Variants in RBFOX3 observed in about 807,000 individuals in gnomAD.
RBFOX3 encodes the protein RNA binding fox-1 homolog 3, also known as RNA binding protein fox-1 homolog 3.
Under a neutral mutation model 48.7 loss-of-function variants are expected in RBFOX3, and 17 were observed. The observed-to-expected ratio is 0.35, with a 90% confidence interval of 0.24 to 0.52. The LOEUF (loss-of-function observed/expected upper bound fraction) is 0.52, where lower values mean the gene tolerates loss of function less well. Ranked by LOEUF, RBFOX3 falls within the 20% of genes least tolerant of loss-of-function variation. The pLI, the probability that RBFOX3 is intolerant of heterozygous loss-of-function variation, is 0.94. For missense variants in RBFOX3, 382 were observed against 497.5 expected (o/e 0.77, Z 2.21); for synonymous variants, 212 against 209.5 (o/e 1.01, Z -0.10).
Position 79,463,533 on chromosome 17 carries a change from CCACCTCCACCACCATCACCACTGA to C in RBFOX3, c.-175+18897_-175+18920del, listed in dbSNP as rs2075819352. On this transcript the variant is annotated intron_variant, in intron 2 of 14. Transcript: ENST00000693108. Reference sequence around the variant, plus strand: ...ACTGCCACCTCCACCATCGCCACTGCCACCTCCACCACCATCACCACTGACACCTCCACCACCATCGCCACTGCC... The same window carrying C: ...ACTGCCACCTCCACCATCGCCACTGCCACCTCCACCACCATCGCCACTGCC... 4.1e-5 allele frequency among the ~76,000 whole-genome samples: 6 copies of C among 144,588 alleles called. No individual in the cohort carries two copies. In the South Asian group the frequency reaches 1.2e-3, roughly 28 times the overall value. The allele number at this position is 144,588 out of a possible 152,430, so 94.9% of individuals were successfully genotyped here.
chr17:79,256,763 C>T (rs2064921314), intron 3 of RBFOX3, among the ~76,000 whole-genome samples: 1 of 151,904 alleles, frequency 6.6e-6, no homozygotes. Context: ...ACTAAAAATT[C>T]AAAAATTAGC....
chr17:79,477,043 G>A lies in RBFOX3; in HGVS notation c.-175+5411C>T, dbSNP rs1481438813. Among the ~76,000 whole-genome samples the A allele has an allele frequency of 2.6e-5, 4 of 151,776 alleles. No homozygotes were observed. Among genetic ancestry groups the A allele is most frequent in the South Asian group, 2.1e-4 (1 of 4,790 alleles). On this transcript the variant is annotated intron_variant, in intron 2 of 14. Coordinates refer to ENST00000693108, the MANE Select transcript of RBFOX3 (RefSeq NM_001350451.2). The surrounding 1 kb of genome is among the most constrained non-coding windows in gnomAD (Gnocchi z 4.8). ...AGGTCAGGAGTTCGAGACCAGCCTG[G>A]CCAACAGGGTGAAACCCCGTCTCTA...
chr17:79,161,918 G>A lies in RBFOX3; in HGVS notation c.-33-46170C>T, dbSNP rs369961752. 2.5e-4 allele frequency among the ~76,000 whole-genome samples: 38 copies of A among 152,274 alleles called. No homozygotes were observed. The East Asian group carries it at 5.8e-3, about 23-fold the overall frequency. On this transcript the variant is annotated intron_variant, in intron 4 of 14. Transcript: ENST00000693108. ...ACACCCACACTCTGTGGGGACCAGG[G>A]CCTCCTGCCACAATCAACCCACAAC... is the stretch of plus-strand genomic sequence containing the variant.
At chr17:79,521,208 T>A (rs2086019308) in intron 1 of RBFOX3, among the ~76,000 whole-genome samples, 1 of 149,130 alleles carries the variant, frequency 6.7e-6, no homozygotes, top group South Asian at 2.1e-4. Flanking sequence ...AGATACACAC[T>A]CACGCTCAGA....
chr17:79,359,621 A>G (rs926405390), intron 2 of RBFOX3, among the ~76,000 whole-genome samples: 75 of 151,808 alleles, frequency 4.9e-4, no homozygotes, highest in Admixed American at 4.9e-3. Context: ...CCACCTCTCC[A>G]CCCCGACTAA....
At position 79,249,877 on chromosome 17, in the gene RBFOX3, A is replaced by G. The variant is rs2063686943; in HGVS notation, c.-73-14072T>C. Among the ~76,000 whole-genome samples, 1 of 151,652 alleles carries G rather than the reference A, an allele frequency of 6.6e-6. No homozygotes were observed. The highest frequency in any genetic ancestry group is 1.5e-5 in the Non-Finnish European group (1 of 67,942). On this transcript the variant is annotated intron_variant, in intron 3 of 14. Transcript: ENST00000693108. The surrounding 1 kb of genome is among the most constrained non-coding windows in gnomAD (Gnocchi z 4.1). ...ATTTCTGTATCTGTGTGTCTTTTTTACCCCATTAAAACAAATTCCAGGTAT... is the reference window on the plus strand; with the variant it reads ...ATTTCTGTATCTGTGTGTCTTTTTTGCCCCATTAAAACAAATTCCAGGTAT...
chr17:79,156,327 T>C (rs1364120969), intron 4 of RBFOX3, among the ~76,000 whole-genome samples: 1 of 152,130 alleles, frequency 6.6e-6, no homozygotes. Flanking sequence ...GCACCAACCA[T>C]GGCTTCTCTG....
chr17:79,280,477 G>A (rs1348441587), intron 3 of RBFOX3, among the ~76,000 whole-genome samples: 1 of 152,164 alleles, frequency 6.6e-6, no homozygotes, highest in Non-Finnish European at 1.5e-5. Flanking sequence ...GCCTTCCTGC[G>A]AGGCCTCCCA....
intron 4 of RBFOX3, among the ~76,000 whole-genome samples, chr17:79,167,204 G>A (rs1365150491): frequency 6.6e-6 from 1 of 152,230 alleles, no homozygotes; most frequent in East Asian, 1.9e-4. Context: ...ACAGTGCCAG[G>A]CACATGGCCA....
intron 2 of RBFOX3, among the ~76,000 whole-genome samples, chr17:79,464,972 G>C (rs532868814): frequency 1.3e-5 from 2 of 152,374 alleles, no homozygotes; most frequent in South Asian, 4.1e-4. Flanking sequence ...GAACCACGAG[G>C]TGGCCCCAGC....
intron 4 of RBFOX3, among the ~76,000 whole-genome samples, chr17:79,120,706 G>GTGGGTGGATGGAAGGGTGGA (rs2035491517): frequency 1.7e-5 from 2 of 114,384 alleles, no homozygotes; most frequent in Non-Finnish European, 3.6e-5. Flanking sequence ...GGGTGGGTGG[G>GTGGGTGGATGGAAGGGTGGA]TGGGTGGATG....
intron 2 of RBFOX3, among the ~76,000 whole-genome samples, chr17:79,352,120 A>G (rs1013111923): frequency 2.0e-5 from 3 of 152,080 alleles, no homozygotes; most frequent in Non-Finnish European, 4.4e-5. Context: ...TTTCAAGGGA[A>G]GTTGTTATGG....
At chr17:79,538,898 A>G (rs1234131685) in intron 1 of RBFOX3, among the ~76,000 whole-genome samples, 4 of 152,110 alleles carry the variant, frequency 2.6e-5, no homozygotes, top group Non-Finnish European at 5.9e-5. Context: ...TTAATAAGAA[A>G]ACCACCCCAT....
the RBFOX3 span, among the ~76,000 whole-genome samples, chr17:79,646,699 T>C: frequency 1.3e-5 from 2 of 152,048 alleles, no homozygotes; most frequent in Admixed American, 6.5e-5. Context: ...AGCCAAACCA[T>C]ATCACCCATA....
intron 4 of RBFOX3, among the ~76,000 whole-genome samples, chr17:79,178,461 A>G (rs942786739): frequency 2.0e-5 from 3 of 152,198 alleles, no homozygotes; most frequent in Non-Finnish European, 2.9e-5. Flanking sequence ...AGAAAGCGAC[A>G]TGGACTCGAG....
At position 79,392,284 on chromosome 17, in the gene RBFOX3, C is replaced by A. The variant is rs911706989; in HGVS notation, c.-174-84460G>T. Among the ~76,000 whole-genome samples, 1 of 152,232 alleles carries A rather than the reference C, an allele frequency of 6.6e-6. No homozygotes were observed. The highest frequency in any genetic ancestry group is 2.4e-5 in the African/African-American group (1 of 41,462). On this transcript the variant is annotated intron_variant, in intron 2 of 14. Coordinates refer to ENST00000693108, the MANE Select transcript of RBFOX3 (RefSeq NM_001350451.2). The surrounding 1 kb of genome is among the most constrained non-coding windows in gnomAD (Gnocchi z 5.0). Reference sequence around the variant, plus strand: ...CAGCAGAGAGAGGCAGCTCAGCACACGGACCTTGCAGCCAGTTGGCCCTGA... The same window carrying A: ...CAGCAGAGAGAGGCAGCTCAGCACAAGGACCTTGCAGCCAGTTGGCCCTGA...
Position 79,214,352 on chromosome 17 carries a change from G to C in RBFOX3, c.-34+21414C>G, listed in dbSNP as rs2058738493. Among the ~76,000 whole-genome samples the C allele has an allele frequency of 6.6e-6, 1 of 152,190 alleles. No homozygotes were observed. Among genetic ancestry groups the C allele is most frequent in the African/African-American group, 2.4e-5 (1 of 41,442 alleles). ...TCATGGAGGTGCCTCATGGAGGAAA[G>C]CCCTGTCTCCTCATTAATTAGACAA... is the stretch of plus-strand genomic sequence containing the variant. On this transcript the variant is annotated intron_variant, in intron 4 of 14. Transcript: ENST00000693108. The surrounding 1 kb of genome is among the most constrained non-coding windows in gnomAD (Gnocchi z 4.7).
chr17:79,165,867 G>A (rs1424425849), intron 4 of RBFOX3, among the ~76,000 whole-genome samples: 2 of 152,220 alleles, frequency 1.3e-5, no homozygotes, highest in Admixed American at 1.3e-4. Context: ...ACCATGAGAC[G>A]CCCTGAGATT....
chr17:79,608,297 G>A (rs1304000522), intron 1 of RBFOX3, among the ~76,000 whole-genome samples: 4 of 152,230 alleles, frequency 2.6e-5, no homozygotes, highest in Non-Finnish European at 5.9e-5. Context: ...TGGGTGCGGA[G>A]CATTTGCCGC....
Sources: allele counts gnomAD v4.1 joint callset (sites outside exome capture counted in the v4.1 genomes callset), GRCh38; gene constraint gnomAD v4.1.1; non-coding constraint Gnocchi (gnomAD v3.1); transcripts MANE v1.5; gene names NCBI Gene and HGNC (gene_info 2026-07-23, HGNC 2026-07-21).